The following PCDH15 variants were observed in gnomAD, a reference collection of about 807,000 sequenced individuals.
PCDH15 encodes the protein protocadherin related 15.
PCDH15 carries 129 observed loss-of-function variants against 178.5 expected under a neutral mutation model. The ratio of observed to expected loss-of-function variants is 0.72; its 90% CI spans 0.63 to 0.84. The LOEUF (loss-of-function observed/expected upper bound fraction) is 0.84, where lower values mean the gene tolerates loss of function less well. PCDH15 is among the 40% of genes least tolerant of loss of function. The pLI, the probability that PCDH15 is intolerant of heterozygous loss-of-function variation, is 0.00. For synonymous variants in PCDH15, 800 were observed against 732.0 expected, an observed-to-expected ratio of 1.09 and a Z score of -1.50; for missense variants, 2,230 against 2,099.9, an observed-to-expected ratio of 1.06 and a Z score of -1.21.
At chr10:54,655,960 T>C (rs1013901008) in intron 2 of PCDH15, 1 of 152,196 alleles carries the variant, frequency 6.6e-6, no homozygotes, top group African/African-American at 2.4e-5. Context: ...ATGGCATATA[T>C]GGTATGTAAT....
At chr10:54,425,621 T>A (rs961064575) in intron 3 of PCDH15, among the ~76,000 whole-genome samples, 1 of 152,208 alleles carries the variant, frequency 6.6e-6, no homozygotes, top group Non-Finnish European at 1.5e-5. Context: ...TTTTTATAGA[T>A]TCAAAATAAT....
chr10:55,040,349 C>T (rs1840835392), intron 2 of PCDH15, among the ~76,000 whole-genome samples: 3 of 152,070 alleles, frequency 2.0e-5, no homozygotes, highest in Admixed American at 2.0e-4. Context: ...CCTGGTTGTT[C>T]TAATGGGGTT....
At chr10:54,315,899 T>C (rs1454310828) in intron 8 of PCDH15, among the ~76,000 whole-genome samples, 1 of 152,026 alleles carries the variant, frequency 6.6e-6, no homozygotes, top group Non-Finnish European at 1.5e-5. Flanking sequence ...TCAAGTAAAA[T>C]TTTTATGTTC....
At chr10:54,112,690 C>T (rs1345827308) in intron 15 of PCDH15, among the ~76,000 whole-genome samples, 1 of 152,108 alleles carries the variant, frequency 6.6e-6, no homozygotes, top group Admixed American at 6.5e-5. Flanking sequence ...TGCATCATTT[C>T]CCATGTCTCT....
chr10:54,785,916 G>A (rs1011576198), intron 1 of PCDH15, among the ~76,000 whole-genome samples: 4 of 151,846 alleles, frequency 2.6e-5, no homozygotes, highest in East Asian at 1.9e-4. Flanking sequence ...TCTCTGATAC[G>A]TTGTTAAAGG....
intron 2 of PCDH15, among the ~76,000 whole-genome samples, chr10:55,152,440 A>G (rs1838755129): frequency 6.6e-6 from 1 of 152,192 alleles, no homozygotes; most frequent in African/African-American, 2.4e-5. Context: ...TTTAATGGGT[A>G]TATAATTTTT....
intron 2 of PCDH15, among the ~76,000 whole-genome samples, chr10:55,427,892 A>C (rs548648026): frequency 3.3e-5 from 5 of 152,250 alleles, no homozygotes; most frequent in African/African-American, 1.2e-4. Flanking sequence ...CATTTTAAAG[A>C]ATACAATTTT....
At chr10:55,074,020 T>C (rs576332746) in intron 2 of PCDH15, among the ~76,000 whole-genome samples, 37 of 152,246 alleles carry the variant, frequency 2.4e-4, no homozygotes, top group African/African-American at 8.7e-4. Flanking sequence ...GGTCCATCTA[T>C]GTCCCTGCAA....
At chr10:54,721,633 T>C (rs1307108839) in intron 1 of PCDH15, among the ~76,000 whole-genome samples, 1 of 151,680 alleles carries the variant, frequency 6.6e-6, no homozygotes, top group African/African-American at 2.4e-5. Flanking sequence ...GAAAATGCAT[T>C]TCTAGAAAAA....
chr10:54,081,822 G>A (rs117552202), intron 16 of PCDH15, among the ~76,000 whole-genome samples: 1 of 151,870 alleles, frequency 6.6e-6, no homozygotes, highest in Non-Finnish European at 1.5e-5. Flanking sequence ...CATTTCCCAG[G>A]AGTGATGTCA....
intron 1 of PCDH15, among the ~76,000 whole-genome samples, chr10:54,711,541 C>G (rs190127159): frequency 3.7e-4 from 56 of 151,954 alleles, no homozygotes; most frequent in Non-Finnish European, 6.8e-4. Flanking sequence ...TGGATGAAAA[C>G]TAAGGAATCA....
At chr10:54,851,181 C>T (rs775864099) in intron 3 of PCDH15, among the ~76,000 whole-genome samples, 3 of 152,024 alleles carry the variant, frequency 2.0e-5, no homozygotes, top group South Asian at 2.1e-4. Flanking sequence ...TTCTCCACAA[C>T]GTAATCATTA....
intron 15 of PCDH15, among the ~76,000 whole-genome samples, chr10:54,120,772 A>G (rs2095204366): frequency 6.6e-6 from 1 of 152,176 alleles, no homozygotes; most frequent in African/African-American, 2.4e-5. Flanking sequence ...CACACCCCAC[A>G]TTGTAGAGTC....
At chr10:54,785,162 TC>T (rs1309574657) in intron 1 of PCDH15, among the ~76,000 whole-genome samples, 1 of 152,014 alleles carries the variant, frequency 6.6e-6, no homozygotes, top group Non-Finnish European at 1.5e-5. Context: ...AAAATGCCTT[TC>T]TTTTTTACTC....
chr10:54,475,285 G>A (rs555351171), intron 3 of PCDH15, among the ~76,000 whole-genome samples: 3 of 151,932 alleles, frequency 2.0e-5, no homozygotes, highest in Non-Finnish European at 4.4e-5. Flanking sequence ...AATATTCAAC[G>A]TTTATTTTAC....
chr10:54,933,691 C>G (rs1837837351), intron 2 of PCDH15, among the ~76,000 whole-genome samples: 1 of 152,048 alleles, frequency 6.6e-6, no homozygotes, highest in East Asian at 1.9e-4. Context: ...AAAAAGCTGG[C>G]CTTTTTTAAA....
At chr10:55,624,217 A>G (rs1026111656) in intron 2 of PCDH15, among the ~76,000 whole-genome samples, 4 of 151,980 alleles carry the variant, frequency 2.6e-5, no homozygotes, top group Non-Finnish European at 5.9e-5. Context: ...ATTTTCCGAG[A>G]ATTAAACTAG....
At chr10:54,528,707 G>A (rs990280594) in intron 2 of PCDH15, among the ~76,000 whole-genome samples, 5 of 151,820 alleles carry the variant, frequency 3.3e-5, no homozygotes, top group Admixed American at 6.6e-5. Context: ...AGGTAAATAC[G>A]AATTACTTAT....
At chr10:54,674,586 A>C (rs1189142980) in intron 1 of PCDH15, among the ~76,000 whole-genome samples, 1 of 152,086 alleles carries the variant, frequency 6.6e-6, no homozygotes, top group African/African-American at 2.4e-5. Context: ...TGGTTAAAGA[A>C]ATGATCAACC....
Sources: gnomAD v4.1 joint callset for allele counts (sites outside exome capture counted in the v4.1 genomes callset) on GRCh38, gnomAD v4.1.1 for gene constraint, MANE v1.5 for transcripts, NCBI Gene and HGNC (gene_info 2026-07-23, HGNC 2026-07-21) for gene names.